The following PTPRC variants were observed in gnomAD, a reference collection of about 807,000 sequenced individuals.
PTPRC encodes the protein receptor-type tyrosine-protein phosphatase C.
A neutral mutation model predicts 155.9 loss-of-function variants in PTPRC; 44 were observed. That is an observed-to-expected ratio of 0.28 (90% CI 0.22 to 0.36). The LOEUF (loss-of-function observed/expected upper bound fraction) is 0.36. Among genes scored for constraint, PTPRC ranks in the 10% least tolerant of loss-of-function variants. The pLI, the probability that PTPRC is intolerant of heterozygous loss-of-function variation, is 1.00. For synonymous variants in PTPRC, 525 were observed against 533.1 expected (o/e 0.98, Z 0.21); for missense variants, 1,401 against 1,564.6 (o/e 0.90, Z 1.76).
In PTPRC at chr1:198,699,656, G is replaced by A; in HGVS notation, c.391G>A (p.Ala131Thr). 6.2e-7 allele frequency: 1 copy of A among 1,614,150 alleles called. No homozygotes were observed. The highest frequency in any genetic ancestry group is 1.3e-5 in the African/African-American group (1 of 75,026). Residue 131 changes from alanine to threonine, a missense_variant, in exon 5 of 33, where the codon GCC becomes ACC. This residue lies in a region of PTPRC where 867 missense variants were observed against 970.4 expected (regional missense o/e 0.89). Transcript: ENST00000442510. ...TGACACGCAGACATTCAGCGGCTCC[G>A]CCGCCAATGCAAAACTCAACCCTAC... ...GTDTQTFSGS[A>T]ANAKLNPTPG...
At chr1:198,668,464 C>G (rs1414203881) in intron 2 of PTPRC, among the ~76,000 whole-genome samples, 1 of 152,098 alleles carries the variant, frequency 6.6e-6, no homozygotes, top group Non-Finnish European at 1.5e-5. Context: ...CACAAAGGAA[C>G]AGGAAGTATT....
At chr1:198,649,975 G>A (rs1009101300) in intron 2 of PTPRC, among the ~76,000 whole-genome samples, 10 of 151,792 alleles carry the variant, frequency 6.6e-5, no homozygotes, top group African/African-American at 9.7e-5. Flanking sequence ...CAGAGTGATC[G>A]GGGAAGATCC....
intron 14 of PTPRC, among the ~76,000 whole-genome samples, chr1:198,719,621 T>A (rs1289404305): frequency 1.3e-5 from 2 of 152,160 alleles, no homozygotes; most frequent in African/African-American, 4.8e-5. Context: ...GTTGTTGTTT[T>A]TTGTTTTGAG....
chr1:198,711,605 A>G (rs934661640), intron 11 of PTPRC, among the ~76,000 whole-genome samples: 7 of 152,204 alleles, frequency 4.6e-5, no homozygotes, highest in African/African-American at 1.7e-4. Flanking sequence ...AGAAACATAA[A>G]ACTTTTTTGA....
rs1241873778 is a variant in PTPRC at position 198,748,198 on chromosome 1, A to G, written c.2937A>G (p.Pro979=). The G allele has an allele frequency of 6.2e-7, 1 of 1,602,676 alleles. No homozygotes were observed. The highest frequency in any genetic ancestry group is 8.5e-7 in the Non-Finnish European group (1 of 1,175,222). Residue 979 remains proline (P), a splice_region_variant and synonymous_variant, in exon 27 of 33, where the codon CCA becomes CCG. Transcript: ENST00000442510. ...KSKNRNSNVI[P]YDYNRVPLKH... is the part of the protein sequence containing the mutation. Reference sequence around the variant, plus strand: ...AAAACAGGAATTCTAATGTCATCCCATGTATGTAGTTTATTTTTTTATTTT... The same window carrying G: ...AAAACAGGAATTCTAATGTCATCCCGTGTATGTAGTTTATTTTTTTATTTT...
chr1:198,722,414 A>G lies in PTPRC; in HGVS notation c.1660-2A>G. The G allele has an allele frequency of 7.0e-7, 1 of 1,428,468 alleles. No homozygotes were observed. Among genetic ancestry groups the G allele is most frequent in the Non-Finnish European group, 9.3e-7 (1 of 1,080,448 alleles). The allele number at this position is 1,428,468 out of a possible 1,614,324, so 88.5% of individuals were successfully genotyped here. Reference sequence around the variant, plus strand: ...ATTTTATTTTTTGTTACTGAAATTCAGGCCTATTTTCACAATGGAGACTAT... The same window carrying G: ...ATTTTATTTTTTGTTACTGAAATTCGGGCCTATTTTCACAATGGAGACTAT... On this transcript the variant is annotated splice_acceptor_variant, in intron 14 of 32. Transcript: ENST00000442510. LOFTEE classifies it high-confidence loss of function.
At chr1:198,732,205 T>C (rs1324401331) in intron 18 of PTPRC, 95 bp from the exon 19 acceptor site, 1 of 945,352 alleles carries the variant, frequency 1.1e-6, no homozygotes, top group Non-Finnish European at 1.7e-6. Context: ...GAAAATATTT[T>C]ACAGGATATC....
intron 2 of PTPRC, among the ~76,000 whole-genome samples, chr1:198,665,304 G>A (rs576223849): frequency 2.1e-4 from 32 of 149,714 alleles, no homozygotes; most frequent in African/African-American, 7.8e-4. Context: ...GGGTTTCACC[G>A]CCCTGCTGCC....
At chr1:198,639,762 T>A (rs1305013675) in intron 2 of PTPRC, among the ~76,000 whole-genome samples, 1 of 152,096 alleles carries the variant, frequency 6.6e-6, no homozygotes, top group Admixed American at 6.6e-5. Context: ...GCTTTGGTTG[T>A]ATGTAAGCCA....
At chr1:198,733,684 T>C (rs1654498661) in intron 20 of PTPRC, among the ~76,000 whole-genome samples, 1 of 151,792 alleles carries the variant, frequency 6.6e-6, no homozygotes, top group African/African-American at 2.4e-5. Context: ...ATGAAAGTTA[T>C]TATATCTCTT....
At chr1:198,716,890 T>C (rs1201464351) in intron 13 of PTPRC, 50 bp downstream of exon 13, 1 of 1,557,096 alleles carries the variant, frequency 6.4e-7, no homozygotes, top group Non-Finnish European at 8.8e-7. Context: ...AAAAGCAAGG[T>C]ATGAACTTTT....
Position 198,717,738 on chromosome 1 carries a change from A to G in PTPRC, c.1451-356A>G, listed in dbSNP as rs569493434. Among the ~76,000 whole-genome samples the G allele has an allele frequency of 5.9e-5, 9 of 152,252 alleles. No individual in the cohort carries two copies. The South Asian group carries it at 6.2e-4, about 11-fold the overall frequency. ...GAAAGAAGGGTCTAGATTGTGTAATAGGACTTGGAGGTTTCCCAATCAACA... is the reference window on the plus strand; with the variant it reads ...GAAAGAAGGGTCTAGATTGTGTAATGGGACTTGGAGGTTTCCCAATCAACA... On this transcript the variant is annotated intron_variant, in intron 13 of 32. Transcript: ENST00000442510.
At chr1:198,751,675 T>C (rs1655392002) in intron 29 of PTPRC, among the ~76,000 whole-genome samples, 1 of 152,052 alleles carries the variant, frequency 6.6e-6, no homozygotes, top group Non-Finnish European at 1.5e-5. Context: ...TGTGGGGTTG[T>C]AGTTGGTAGA....
At chr1:198,730,956 A>T (rs183932143) in intron 17 of PTPRC, among the ~76,000 whole-genome samples, 3 of 152,308 alleles carry the variant, frequency 2.0e-5, no homozygotes, top group Non-Finnish European at 2.9e-5. Context: ...ACATAATTTT[A>T]CATATGCGAC....
At chr1:198,650,041 G>T (rs961747203) in intron 2 of PTPRC, among the ~76,000 whole-genome samples, 1 of 151,800 alleles carries the variant, frequency 6.6e-6, no homozygotes, top group South Asian at 2.1e-4. Context: ...GGGGATCCAT[G>T]TGAGGGAGAC....
chr1:198,710,786 T>G (rs1385390684), intron 11 of PTPRC, among the ~76,000 whole-genome samples: 4 of 152,250 alleles, frequency 2.6e-5, no homozygotes, highest in African/African-American at 9.6e-5. Context: ...TCTGTCACAT[T>G]ACTGAATTTG....
chr1:198,707,244 T>C (rs1653033074), intron 9 of PTPRC, among the ~76,000 whole-genome samples: 2 of 152,248 alleles, frequency 1.3e-5, no homozygotes, highest in African/African-American at 4.8e-5. Flanking sequence ...CAAGCTTTCT[T>C]TATTCTCCTC....
At chr1:198,730,605 C>T (rs1372185022) in intron 17 of PTPRC, among the ~76,000 whole-genome samples, 1 of 152,066 alleles carries the variant, frequency 6.6e-6, no homozygotes, top group Non-Finnish European at 1.5e-5. Flanking sequence ...AAATCCATCT[C>T]AAGGAGTTAA....
At chr1:198,748,281 A>T in intron 27 of PTPRC, 82 bp downstream of exon 27, 1 of 1,494,570 alleles carries the variant, frequency 6.7e-7, no homozygotes, top group Non-Finnish European at 8.9e-7. Context: ...ACACAGTCAT[A>T]TAAATTATCT....
Sources: allele counts gnomAD v4.1 joint callset (sites outside exome capture counted in the v4.1 genomes callset), GRCh38; gene constraint gnomAD v4.1.1; regional missense constraint gnomAD v4.1.1; transcripts MANE v1.5; gene names NCBI Gene and HGNC (gene_info 2026-07-23, HGNC 2026-07-21).